TRPC7: variants seen among roughly 807,000 people sequenced by gnomAD.
TRPC7 encodes the protein transient receptor potential cation channel subfamily C member 7.
TRPC7 carries 42 observed loss-of-function variants against 90.1 expected under a neutral mutation model. The observed-to-expected ratio is 0.47, with a 90% CI of 0.36 to 0.60. TRPC7 has a LOEUF of 0.60. Ranked by LOEUF, TRPC7 falls within the 20% of genes least tolerant of loss-of-function variation. The pLI is 0.00. For missense variants in TRPC7, 955 were observed against 1,112.3 expected (o/e 0.86, Z 2.01); for synonymous variants, 451 against 436.3 (o/e 1.03, Z -0.42).
At chr5:136,259,649 G>A (rs538692119) in intron 5 of TRPC7, among the ~76,000 whole-genome samples, 3 of 152,178 alleles carry the variant, frequency 2.0e-5, no homozygotes, top group Non-Finnish European at 2.9e-5. Context: ...TTATAAGCTT[G>A]TTATTCTTGC....
In TRPC7 at chr5:136,229,025, T is replaced by C. The variant is rs116623899; in HGVS notation, c.2040+2329A>G. On this transcript the variant is annotated intron_variant, in intron 8 of 11. Transcript: ENST00000513104. ...AAAGCATTACATGCCTGTTAGGATA[T>C]GGCAGATTGCCGGGGGGAGTGGTGC... 1.5e-3 allele frequency among the ~76,000 whole-genome samples: 226 copies of C among 152,334 alleles called. 1 individual carries two copies. The highest frequency in any genetic ancestry group is 4.8e-3 in the African/African-American group (198 of 41,570).
At chr5:136,359,437 T>C (rs1760493011) in intron 1 of TRPC7, among the ~76,000 whole-genome samples, 1 of 151,314 alleles carries the variant, frequency 6.6e-6, no homozygotes, top group Admixed American at 6.6e-5. Context: ...TGAACCACCA[T>C]CCACTTTTTT....
Position 136,213,642 on chromosome 5 carries a change from G to A in TRPC7, c.2420-38C>T, listed in dbSNP as rs558151708. ...AGGAGATTTTGCTGAGTCTGAGTAG[G>A]TGGAAGCTCGGGGCTTGTCCCATGC... On this transcript the variant is annotated intron_variant, in intron 11 of 11. Transcript: ENST00000513104. 1.9e-6 allele frequency: 3 copies of A among 1,609,400 alleles called. No homozygotes were observed. In the African/African-American group the frequency reaches 4.0e-5, roughly 21 times the overall value.
Position 136,216,909 on chromosome 5 carries a change from C to T in TRPC7, c.2344-634G>A, listed in dbSNP as rs375446421. ...CTGACACTGTACTGCCGGAGTCACA[C>T]TGGAGCAGGATTTGGCCCTCAAGTT... On this transcript the variant is annotated intron_variant, in intron 10 of 11. Coordinates refer to ENST00000513104, the MANE Select transcript of TRPC7 (RefSeq NM_020389.3). 1.7e-4 allele frequency among the ~76,000 whole-genome samples: 26 copies of T among 152,322 alleles called. No homozygotes were observed. In the South Asian group the frequency reaches 4.1e-3, roughly 24 times the overall value.
intron 3 of TRPC7, among the ~76,000 whole-genome samples, chr5:136,301,354 T>A (rs1210786135): frequency 3.2e-5 from 4 of 126,574 alleles, no homozygotes; most frequent in Admixed American, 7.7e-5. Flanking sequence ...TTTTTTTTTT[T>A]TTTTTTAACA....
At chr5:136,302,555 T>C (rs977750580) in intron 3 of TRPC7, among the ~76,000 whole-genome samples, 5 of 152,144 alleles carry the variant, frequency 3.3e-5, no homozygotes, top group African/African-American at 1.2e-4. Flanking sequence ...TCCTTCACTA[T>C]GGGCAACCTT....
chr5:136,323,909 T>A (rs1289949881), intron 2 of TRPC7, among the ~76,000 whole-genome samples: 2 of 152,194 alleles, frequency 1.3e-5, no homozygotes, highest in Admixed American at 1.3e-4. Context: ...GGGAAAGAAC[T>A]GACATTTAAA....
chr5:136,323,180 T>C (rs553544661), intron 2 of TRPC7, among the ~76,000 whole-genome samples: 1 of 152,370 alleles, frequency 6.6e-6, no homozygotes, highest in South Asian at 2.1e-4. Context: ...CACTTGGCTC[T>C]CATTCTTCTC....
chr5:136,306,529 T>C (rs922377843), intron 3 of TRPC7, among the ~76,000 whole-genome samples: 2 of 152,166 alleles, frequency 1.3e-5, no homozygotes, highest in Non-Finnish European at 2.9e-5. Flanking sequence ...TTCAACACTA[T>C]TTTATTTTTC....
chr5:136,238,820 G>A (rs1385003648), intron 7 of TRPC7, among the ~76,000 whole-genome samples: 1 of 152,152 alleles, frequency 6.6e-6, no homozygotes, highest in African/African-American at 2.4e-5. Flanking sequence ...AAATAAACAT[G>A]AGAAGAATGT....
intron 9 of TRPC7, among the ~76,000 whole-genome samples, 192 bp downstream of exon 9, chr5:136,225,842 T>C (rs1755609050): frequency 6.6e-6 from 1 of 151,790 alleles, no homozygotes; most frequent in African/African-American, 2.4e-5. Context: ...GAAAGGAGGG[T>C]ATCACAGTAG....
intron 8 of TRPC7, among the ~76,000 whole-genome samples, chr5:136,227,174 A>G (rs1755654838): frequency 6.6e-6 from 1 of 152,188 alleles, no homozygotes; most frequent in Non-Finnish European, 1.5e-5. Flanking sequence ...TGTCAATGCC[A>G]GAATGCTAAG....
chr5:136,218,025 AAAAAAAG>A (rs1322453994), intron 10 of TRPC7, among the ~76,000 whole-genome samples: 3 of 146,400 alleles, frequency 2.0e-5, no homozygotes, highest in Non-Finnish European at 4.5e-5. Flanking sequence ...TTCAAAAAAA[AAAAAAAG>A]AAAAAAGAAT....
intron 5 of TRPC7, 101 bp from the exon 6 acceptor site, chr5:136,251,983 C>G (rs1232585324): frequency 4.3e-6 from 4 of 925,638 alleles, no homozygotes; most frequent in Middle Eastern, 4.4e-4. Flanking sequence ...TAAATATCAG[C>G]TCTTTGGAGC....
At chr5:136,296,328 G>A (rs1758170505) in intron 3 of TRPC7, among the ~76,000 whole-genome samples, 1 of 152,162 alleles carries the variant, frequency 6.6e-6, no homozygotes, top group Admixed American at 6.5e-5. Context: ...TATACCACTG[G>A]TGGCACTGAA....
At chr5:136,274,602 A>G (rs1757302146) in intron 4 of TRPC7, 71 bp downstream of exon 4, 2 of 1,375,664 alleles carry the variant, frequency 1.5e-6, no homozygotes, top group Non-Finnish European at 9.5e-7. Context: ...TTTGAACAAA[A>G]TGGATTTCAG....
At chr5:136,311,543 T>G (rs937487540) in intron 3 of TRPC7, among the ~76,000 whole-genome samples, 6 of 152,206 alleles carry the variant, frequency 3.9e-5, no homozygotes, top group Non-Finnish European at 7.3e-5. Flanking sequence ...AGAGTTGATA[T>G]GCAGTGGAAG....
intron 7 of TRPC7, among the ~76,000 whole-genome samples, chr5:136,244,966 C>T (rs1164715690): frequency 6.6e-6 from 1 of 152,182 alleles, no homozygotes; most frequent in Non-Finnish European, 1.5e-5. Flanking sequence ...AATTATTCAC[C>T]ATCTCCATTA....
chr5:136,226,317 C>T, intron 8 of TRPC7, 62 bp from the exon 9 acceptor site: 1 of 1,244,554 alleles, frequency 8.0e-7, no homozygotes, highest in South Asian at 1.3e-5. Flanking sequence ...CGGAGCCCAA[C>T]CTGAGGAGCA....
Sources: allele counts gnomAD v4.1 joint callset (sites outside exome capture counted in the v4.1 genomes callset), GRCh38; gene constraint gnomAD v4.1.1; transcripts MANE v1.5; gene names NCBI Gene and HGNC (gene_info 2026-07-23, HGNC 2026-07-21).